YY1: variants seen among roughly 807,000 people sequenced by gnomAD.
YY1 encodes the protein transcriptional repressor protein YY1.
In YY1, 2 loss-of-function variants were observed where a neutral mutation model predicts 35.6. The observed-to-expected ratio is 0.06, with a 90% CI of 0.02 to 0.18. The LOEUF is 0.18. Among genes scored for constraint, YY1 ranks in the 10% least tolerant of loss-of-function variants. The probability of loss-of-function intolerance (pLI) is 1.00; values close to 1 mark genes in which losing one functional copy is unlikely to be tolerated. For synonymous variants in YY1, 268 were observed against 238.9 expected, an observed-to-expected ratio of 1.12 and a Z score of -1.12; for missense variants, 322 against 573.4, an observed-to-expected ratio of 0.56 and a Z score of 4.48.
At chr14:100,258,957 G>C (rs561477067) in intron 1 of YY1, among the ~76,000 whole-genome samples, 62 of 152,334 alleles carry the variant, frequency 4.1e-4, no homozygotes, top group African/African-American at 1.4e-3. Flanking sequence ...TCAGAAAGCT[G>C]TGTGCTAAGC....
chr14:100,262,479 A>G lies in YY1; in HGVS notation c.842+13A>G, dbSNP rs1057351826. The G allele has an allele frequency of 6.2e-7, 1 of 1,613,840 alleles. No homozygotes were observed. The highest frequency in any genetic ancestry group is 1.7e-4 in the Middle Eastern group (1 of 5,984). On this transcript the variant is annotated intron_variant, in intron 2 of 4. Coordinates refer to ENST00000262238, the MANE Select transcript of YY1 (RefSeq NM_003403.5). Reference sequence around the variant, plus strand: ...CAGAATTTGCTAGGTAAGTTATAAGAACTTTCCTTTCTTTTAATTATAGAA... The same window carrying G: ...CAGAATTTGCTAGGTAAGTTATAAGGACTTTCCTTTCTTTTAATTATAGAA...
At chr14:100,241,142 C>T (rs549099594) in intron 1 of YY1, among the ~76,000 whole-genome samples, 5 of 152,190 alleles carry the variant, frequency 3.3e-5, no homozygotes, top group Admixed American at 2.6e-4. Context: ...TCATATGCTA[C>T]CTAGCTAAAT....
rs1273697427 is a variant in YY1 at position 100,278,503 on chromosome 14, C to T, written c.*903C>T. ...GCAGAACAAGATCTGTAAGCACAGT[C>T]TTATTTTCTTTTGTTGTCCAGAATA... is the stretch of plus-strand genomic sequence containing the variant. On this transcript the variant is annotated 3_prime_UTR_variant, in exon 5 of 5. Transcript: ENST00000262238. 1 of 152,490 alleles carries T rather than the reference C, an allele frequency of 6.6e-6. No individual in the cohort carries two copies. Among genetic ancestry groups the T allele is most frequent in the Non-Finnish European group, 1.5e-5 (1 of 68,032 alleles). The allele number at this position is 152,490 out of a possible 1,614,324, so 9.4% of individuals were successfully genotyped here.
chr14:100,240,031 G>C, intron 1 of YY1, 108 bp downstream of exon 1: 1 of 1,078,716 alleles, frequency 9.3e-7, no homozygotes, highest in Non-Finnish European at 1.2e-6. Context: ...GGCAAGTATG[G>C]CGGCCCCAAA....
intron 2 of YY1, among the ~76,000 whole-genome samples, chr14:100,266,243 A>G (rs1036670500): frequency 6.6e-6 from 1 of 152,166 alleles, no homozygotes; most frequent in Non-Finnish European, 1.5e-5. Context: ...GTGAGGACGC[A>G]GCGAAACCAT....
At position 100,279,815 on chromosome 14, in the gene YY1, C is replaced by G. The variant is rs1438112240; in HGVS notation, c.*2215C>G. 1 of 152,320 alleles carries G rather than the reference C, an allele frequency of 6.6e-6. No homozygotes were observed. Among genetic ancestry groups the G allele is most frequent in the Admixed American group, 6.5e-5 (1 of 15,286 alleles). 9.4% of individuals were successfully genotyped at this position (152,320 alleles called of 1,614,324 possible). ...CCTGGCACTGTCCTCAGGACCCTGC[C>G]CAAGGGCCCACCGCAGAGCACACCT... On this transcript the variant is annotated 3_prime_UTR_variant, in exon 5 of 5. Transcript: ENST00000262238.
At chr14:100,248,679 CTTTTTTTTTT>C (rs11415073) in intron 1 of YY1, among the ~76,000 whole-genome samples, 52 of 105,008 alleles carry the variant, frequency 5.0e-4, no homozygotes, top group Middle Eastern at 5.4e-3. Context: ...GAGTAAAATT[CTTTTTTTTTT>C]TTTTTTTTTT....
chr14:100,272,954 G>GTTGTTTTT (rs34406679), intron 2 of YY1, among the ~76,000 whole-genome samples: 1 of 141,206 alleles, frequency 7.1e-6, no homozygotes, highest in South Asian at 2.2e-4. Context: ...GTTTTTTGTT[G>GTTGTTTTT]TTTTTTTTTT....
rs1287058364 is a variant in YY1, at chr14:100,279,230, G to A, written c.*1630G>A. On this transcript the variant is annotated 3_prime_UTR_variant, in exon 5 of 5. Transcript: ENST00000262238. The stretch of plus-strand genomic sequence containing the variant: ...TTTATTCAAAGTGCAAACATACTGT[G>A]TGTCTTTCTGTTTTGTGTATGCTTG... 6.6e-6 allele frequency: 1 copy of A among 152,230 alleles called. No homozygotes were observed. Among genetic ancestry groups the A allele is most frequent in the African/African-American group, 2.4e-5 (1 of 41,458 alleles). The allele number at this position is 152,230 out of a possible 1,614,324, so 9.4% of individuals were successfully genotyped here. A position where few individuals can be genotyped will look rare whatever the true frequency, so the allele number is the denominator to read the frequency against.
Position 100,274,687 on chromosome 14 carries a change from CT to C in YY1, c.843-7del. 6.2e-7 allele frequency: 1 copy of C among 1,612,532 alleles called. No homozygotes were observed. Among genetic ancestry groups the C allele is most frequent in the Non-Finnish European group, 8.5e-7 (1 of 1,178,672 alleles). On this transcript the variant is annotated splice_polypyrimidine_tract_variant and intron_variant, in intron 2 of 4. Transcript: ENST00000262238. ...TACAAATCTGTCTGTCTCTCTTTTT[CT>C]TTTGATAAGAATGAAGCCAAGAAAA...
intron 2 of YY1, among the ~76,000 whole-genome samples, chr14:100,272,289 C>G (rs542838579): frequency 9.2e-6 from 1 of 109,156 alleles, no homozygotes; most frequent in South Asian, 3.8e-4. Context: ...GAGTGAGACT[C>G]TGTCTCAAAA....
intron 1 of YY1, among the ~76,000 whole-genome samples, chr14:100,259,850 G>C (rs1370231788): frequency 6.6e-6 from 1 of 152,202 alleles, no homozygotes; most frequent in Non-Finnish European, 1.5e-5. Flanking sequence ...AGTGGGACCA[G>C]ACAGCATTGG....
chr14:100,240,040 A>C, intron 1 of YY1, 117 bp downstream of exon 1: 4 of 885,002 alleles, frequency 4.5e-6, no homozygotes, highest in Non-Finnish European at 5.9e-6. Context: ...GGCGGCCCCA[A>C]AAGATGGCGG....
In YY1 at chr14:100,281,100, A is replaced by T. The variant is rs1891420594; in HGVS notation, c.*3500A>T. 6.7e-6 allele frequency: 1 copy of T among 148,446 alleles called. No individual in the cohort carries two copies. Among genetic ancestry groups the T allele is most frequent in the Admixed American group, 6.7e-5 (1 of 14,964 alleles). The allele number at this position is 148,446 out of a possible 1,614,324, so 9.2% of individuals were successfully genotyped here. ...AAAAAAAAAAAAAGGAAACCTGACA[A>T]TTCTACCCACCTCCCCCCACCCCCG... On this transcript the variant is annotated 3_prime_UTR_variant, in exon 5 of 5. Coordinates refer to ENST00000262238, the MANE Select transcript of YY1 (RefSeq NM_003403.5).
chr14:100,270,399 TC>T (rs1322888481), intron 2 of YY1, among the ~76,000 whole-genome samples: 4 of 140,444 alleles, frequency 2.8e-5, no homozygotes, highest in African/African-American at 1.1e-4. Flanking sequence ...TCACCTGAGG[TC>T]AAGAGTTCCA....
At chr14:100,253,721 G>A (rs949061122) in intron 1 of YY1, among the ~76,000 whole-genome samples, 5 of 151,718 alleles carry the variant, frequency 3.3e-5, no homozygotes, top group East Asian at 2.0e-4. Context: ...TCCTGGCCTC[G>A]GGTGATCCGC....
chr14:100,239,953 G>A, intron 1 of YY1, 30 bp downstream of exon 1: 1 of 1,510,558 alleles, frequency 6.6e-7, no homozygotes, highest in Non-Finnish European at 8.8e-7. Context: ...CCCGGCCCCG[G>A]GATGTTTTTG....
At position 100,281,149 on chromosome 14, in the gene YY1, A is replaced by G. The variant is rs978303628; in HGVS notation, c.*3549A>G. 1.3e-5 allele frequency: 2 copies of G among 148,534 alleles called. No individual in the cohort carries two copies. Among genetic ancestry groups the G allele is most frequent in the African/African-American group, 5.0e-5 (2 of 40,014 alleles). 9.2% of individuals were successfully genotyped at this position (148,534 alleles called of 1,614,324 possible). A position where few individuals can be genotyped will look rare whatever the true frequency, so the allele number is the denominator to read the frequency against. On this transcript the variant is annotated 3_prime_UTR_variant, in exon 5 of 5. Coordinates refer to ENST00000262238, the MANE Select transcript of YY1 (RefSeq NM_003403.5). ...CGACTATAGGCAAAGAGAGTTGATC[A>G]CTTCCAGGGTCTCTGACTTCTGTGA... is the stretch of plus-strand genomic sequence containing the variant.
Position 100,239,820 on chromosome 14 carries a change from G to C in YY1, c.576G>C (p.Ala192=), listed in dbSNP as rs1377237981. The C allele has an allele frequency of 6.8e-7, 1 of 1,474,210 alleles. No homozygotes were observed. Among genetic ancestry groups the C allele is most frequent in the Non-Finnish European group, 8.9e-7 (1 of 1,120,650 alleles). 91.3% of individuals were successfully genotyped at this position (1,474,210 alleles called of 1,614,324 possible). A position where few individuals can be genotyped will look rare whatever the true frequency, so the allele number is the denominator to read the frequency against. ...KKSYLSGGAG[A]AGGGGADPGN... Reference sequence around the variant, plus strand: ...GTTACCTCAGCGGCGGGGCCGGCGCGGCGGGCGGCGGCGGCGCCGACCCGG... The same window carrying C: ...GTTACCTCAGCGGCGGGGCCGGCGCCGCGGGCGGCGGCGGCGCCGACCCGG... Residue 192 remains alanine (A), a synonymous_variant, in exon 1 of 5, where the codon GCG becomes GCC. Transcript: ENST00000262238.
Sources: allele counts gnomAD v4.1 joint callset (sites outside exome capture counted in the v4.1 genomes callset), GRCh38; gene constraint gnomAD v4.1.1; transcripts MANE v1.5; gene names NCBI Gene and HGNC (gene_info 2026-07-23, HGNC 2026-07-21).